VCPKMT: variants seen among roughly 807,000 people sequenced by gnomAD.
The protein encoded by VCPKMT is valosin containing protein lysine methyltransferase, also known as protein N-lysine methyltransferase METTL21D.
In VCPKMT, 32 loss-of-function variants were observed where a neutral mutation model predicts 28.6. That is an observed-to-expected ratio of 1.12 (90% CI 0.84 to 1.50). The LOEUF (loss-of-function observed/expected upper bound fraction) is 1.50. Ranked by LOEUF, VCPKMT falls within the 40% of genes most tolerant of loss-of-function variation. VCPKMT has a pLI of 0.00. For synonymous variants in VCPKMT, 138 were observed against 111.4 expected (o/e 1.24, Z -1.50); for missense variants, 366 against 285.0 (o/e 1.28, Z -2.05).
chr14:50,111,512 T>A, intron 5 of VCPKMT: 1 of 985,414 alleles, frequency 1.0e-6, no homozygotes, highest in Non-Finnish European at 1.2e-6. Context: ...GAATCTAGCA[T>A]CCTTAATTCA....
At chr14:50,109,769 G>A (rs1882517643) in intron 5 of VCPKMT, 56 bp from the exon 6 acceptor site, 2 of 1,559,590 alleles carry the variant, frequency 1.3e-6, no homozygotes, top group Admixed American at 3.8e-5. Context: ...CTATTTACTG[G>A]GTATTTAATA....
At chr14:50,112,420 A>G (rs1041347738) in intron 5 of VCPKMT, among the ~76,000 whole-genome samples, 195 bp downstream of exon 5, 58 of 136,728 alleles carry the variant, frequency 4.2e-4, no homozygotes, top group Non-Finnish European at 6.3e-4. Context: ...AAAAAAAAAA[A>G]GCCTGGCTTT....
Position 50,109,430 on chromosome 14 carries a change from G to T in VCPKMT, c.*269C>A, listed in dbSNP as rs1882488341. ...CTCGCCTCAATACCAATTTTTATTT[G>T]AATAACTGATTCCCAACATTTAAGA... On this transcript the variant is annotated 3_prime_UTR_variant, in exon 6 of 6. Coordinates refer to ENST00000395860, the MANE Select transcript of VCPKMT (RefSeq NM_024558.3). 2.5e-6 allele frequency: 3 copies of T among 1,178,722 alleles called. No homozygotes were observed. The South Asian group carries it at 1.2e-4, about 45-fold the overall frequency. The allele number at this position is 1,178,722 out of a possible 1,614,324, so 73.0% of individuals were successfully genotyped here.
intron 1 of VCPKMT, 52 bp from the exon 2 acceptor site, chr14:50,116,231 C>G (rs775338991): frequency 6.2e-7 from 1 of 1,612,022 alleles, no homozygotes. Context: ...AGCCTGTAAT[C>G]CGGATTTCCC....
rs1381010578 is a variant in VCPKMT at position 50,109,022 on chromosome 14, C to G, written c.*677G>C. ...AAAATCTGTAAAGATATCTTTTGTT[C>G]CTCCAATCTTCTGATTTGTCTTCTT... On this transcript the variant is annotated 3_prime_UTR_variant, in exon 6 of 6. Coordinates refer to ENST00000395860, the MANE Select transcript of VCPKMT (RefSeq NM_024558.3). The G allele has an allele frequency of 1.0e-6, 1 of 985,264 alleles. No homozygotes were observed. Among genetic ancestry groups the G allele is most frequent in the Non-Finnish European group, 1.2e-6 (1 of 829,932 alleles). The allele number at this position is 985,264 out of a possible 1,614,324, so 61.0% of individuals were successfully genotyped here. A position where few individuals can be genotyped will look rare whatever the true frequency, so the allele number is the denominator to read the frequency against.
intron 4 of VCPKMT, among the ~76,000 whole-genome samples, chr14:50,113,057 A>T (rs919254608): frequency 3.9e-5 from 6 of 152,180 alleles, no homozygotes; most frequent in African/African-American, 1.4e-4. Context: ...AAGTGCTGGG[A>T]TTACAGGCGT....
downstream of VCPKMT, among the ~76,000 whole-genome samples, chr14:50,107,906 G>A (rs1882388887): frequency 6.6e-6 from 1 of 152,096 alleles, no homozygotes; most frequent in East Asian, 1.9e-4. Context: ...GTTAAAAGAG[G>A]GCCAGGTGCA....
At chr14:50,106,721 C>T (rs186353692), downstream of VCPKMT, 10 of 888,314 alleles carry the variant, frequency 1.1e-5, no homozygotes, top group African/African-American at 3.6e-5. Context: ...CTTCCTCCTG[C>T]GGTTTTGTTT....
At chr14:50,112,010 G>A (rs1882693396) in intron 5 of VCPKMT, 1 of 984,998 alleles carries the variant, frequency 1.0e-6, no homozygotes, top group Non-Finnish European at 1.2e-6. Flanking sequence ...ACCAAGAAGC[G>A]GGAAAATACA....
downstream of VCPKMT, among the ~76,000 whole-genome samples, chr14:50,104,536 ATGTT>A (rs1406208738): frequency 1.3e-5 from 2 of 152,160 alleles, no homozygotes; most frequent in African/African-American, 4.8e-5. Context: ...TCCTCTAACA[ATGTT>A]TGTTATCAAT....
chr14:50,108,369 C>A (rs956363755), downstream of VCPKMT, among the ~76,000 whole-genome samples: 10 of 152,220 alleles, frequency 6.6e-5, no homozygotes, highest in South Asian at 4.1e-4. Context: ...TAACAGCTAG[C>A]ACTATCTGTA....
chr14:50,116,064 C>G lies in VCPKMT; in HGVS notation c.377+5G>C. ...TCTTAAAACAAGCTGAAAGGCCATA[C>G]AAACCATTTCAGTACCTTGGCTTGA... is the stretch of plus-strand genomic sequence containing the variant. On this transcript the variant is annotated splice_donor_5th_base_variant and intron_variant, in intron 2 of 5. Transcript: ENST00000395860. 1.2e-6 allele frequency: 2 copies of G among 1,605,180 alleles called. No individual in the cohort carries two copies. Among genetic ancestry groups the G allele is most frequent in the Non-Finnish European group, 1.7e-6 (2 of 1,174,186 alleles).
intron 3 of VCPKMT, 105 bp downstream of exon 3, chr14:50,115,734 A>C: frequency 7.4e-7 from 1 of 1,349,984 alleles, no homozygotes; most frequent in Non-Finnish European, 1.0e-6. Flanking sequence ...CTATAAGGCA[A>C]ATCCCGGATT....
downstream of VCPKMT, among the ~76,000 whole-genome samples, chr14:50,108,252 T>TGGGTGGACTA (rs1353288455): frequency 6.7e-6 from 1 of 148,994 alleles, no homozygotes; most frequent in Non-Finnish European, 1.5e-5. Context: ...TGAAAAGACA[T>TGGGTGGACTA]TTAAGGAACC....
At chr14:50,105,993 C>T (rs193001864), downstream of VCPKMT, among the ~76,000 whole-genome samples, 151 of 152,206 alleles carry the variant, frequency 9.9e-4, no homozygotes, top group African/African-American at 3.3e-3. Flanking sequence ...GTTTTTTGTC[C>T]GTATGTACTA....
downstream of VCPKMT, among the ~76,000 whole-genome samples, chr14:50,105,904 T>C (rs545086845): frequency 6.6e-6 from 1 of 152,334 alleles, no homozygotes; most frequent in East Asian, 1.9e-4. Flanking sequence ...ATTTATAGTC[T>C]ATTTCCATTT....
intron 2 of VCPKMT, 49 bp from the exon 3 acceptor site, chr14:50,115,960 C>A: frequency 6.2e-7 from 1 of 1,601,800 alleles, no homozygotes; most frequent in Non-Finnish European, 8.5e-7. Flanking sequence ...ATTCAAAATA[C>A]TCTTGTTTTA....
chr14:50,112,533 G>T, intron 5 of VCPKMT, 82 bp downstream of exon 5: 1 of 784,522 alleles, frequency 1.3e-6, no homozygotes, highest in Non-Finnish European at 2.0e-6. Flanking sequence ...CAAAATCAAC[G>T]CCCATACCAC....
downstream of VCPKMT, among the ~76,000 whole-genome samples, chr14:50,104,873 C>A (rs1460352478): frequency 6.6e-6 from 1 of 152,036 alleles, no homozygotes; most frequent in Admixed American, 6.6e-5. Context: ...ATATCAATAG[C>A]AGAGAAAACA....
Sources: gnomAD v4.1 joint callset for allele counts (sites outside exome capture counted in the v4.1 genomes callset) on GRCh38, gnomAD v4.1.1 for gene constraint, MANE v1.5 for transcripts, NCBI Gene and HGNC (gene_info 2026-07-23, HGNC 2026-07-21) for gene names.